The following NGF variants were observed in gnomAD, a reference collection of about 807,000 sequenced individuals.
NGF encodes beta-nerve growth factor.
A neutral mutation model predicts 12.8 loss-of-function variants in NGF; 4 were observed. The observed-to-expected ratio is 0.31, with a 90% confidence interval of 0.15 to 0.72. The LOEUF (loss-of-function observed/expected upper bound fraction) is 0.72. Among genes scored for constraint, NGF ranks in the 30% least tolerant of loss-of-function variants. The pLI, the probability that NGF is intolerant of heterozygous loss-of-function variation, is 0.69. For missense variants in NGF, 283 were observed against 330.8 expected, an observed-to-expected ratio of 0.86 and a Z score of 1.12; for synonymous variants, 140 against 130.0, an observed-to-expected ratio of 1.08 and a Z score of -0.52.
intron 2 of NGF, among the ~76,000 whole-genome samples, chr1:115,289,500 C>T (rs935993830): frequency 5.3e-5 from 8 of 152,110 alleles, no homozygotes; most frequent in African/African-American, 1.9e-4. Context: ...CAATTGACTC[C>T]CATACCTGGA....
intron 1 of NGF, among the ~76,000 whole-genome samples, chr1:115,331,911 GCC>G (rs1204956529): frequency 2.6e-5 from 4 of 152,202 alleles, no homozygotes; most frequent in Non-Finnish European, 4.4e-5. Flanking sequence ...CTATCCAGTA[GCC>G]TCATACATGG....
chr1:115,325,905 G>A (rs1197574274), intron 1 of NGF, among the ~76,000 whole-genome samples: 1 of 152,166 alleles, frequency 6.6e-6, no homozygotes, highest in African/African-American at 2.4e-5. Context: ...ATTATCTAAA[G>A]TAGAGAAGAC....
intron 1 of NGF, among the ~76,000 whole-genome samples, chr1:115,309,128 C>T (rs889471593): frequency 5.3e-5 from 8 of 152,052 alleles, no homozygotes; most frequent in Non-Finnish European, 8.8e-5. Flanking sequence ...ATAAGGTAGC[C>T]TTTGAGCCAT....
intron 1 of NGF, among the ~76,000 whole-genome samples, chr1:115,328,467 C>A (rs1047545853): frequency 1.3e-5 from 2 of 152,234 alleles, no homozygotes; most frequent in South Asian, 4.1e-4. Flanking sequence ...GGTGTCAGCT[C>A]CAGCATTCAC....
At chr1:115,329,744 CTTTTTTT>C (rs1039991768) in intron 1 of NGF, among the ~76,000 whole-genome samples, 1 of 103,996 alleles carries the variant, frequency 9.6e-6, no homozygotes, top group Non-Finnish European at 1.9e-5. Flanking sequence ...TTCTTTCTTT[CTTTTTTT>C]TTTTTTTTTT....
Position 115,305,923 on chromosome 1 carries a change from G to GT in NGF, c.-136-12174dup, listed in dbSNP as rs1016509733. 3.7e-4 allele frequency among the ~76,000 whole-genome samples: 56 copies of GT among 152,256 alleles called. 1 individual carries two copies. Among genetic ancestry groups the GT allele is most frequent in the African/African-American group, 1.3e-3 (54 of 41,534 alleles). ...TGAGGATGTGATTCTCTGTTGATTG[G>GT]TTTTTTGGGTGTGAATACCAAGCCA... On this transcript the variant is annotated intron_variant, in intron 1 of 2. Coordinates refer to ENST00000369512, the MANE Select transcript of NGF (RefSeq NM_002506.3).
chr1:115,320,197 G>A (rs765230287), intron 1 of NGF, among the ~76,000 whole-genome samples: 19 of 152,184 alleles, frequency 1.2e-4, no homozygotes, highest in Non-Finnish European at 2.2e-4. Context: ...TACAATAGTT[G>A]CTCTTTACCC....
intron 1 of NGF, among the ~76,000 whole-genome samples, chr1:115,320,593 A>G (rs1654594765): frequency 6.6e-6 from 1 of 152,222 alleles, no homozygotes. Flanking sequence ...CCGGGCAGAA[A>G]AAGTGGGATG....
chr1:115,320,501 C>T (rs1300230949), intron 1 of NGF, among the ~76,000 whole-genome samples: 1 of 152,218 alleles, frequency 6.6e-6, no homozygotes, highest in East Asian at 1.9e-4. Flanking sequence ...TAATGAGTGA[C>T]AGTCAATCTG....
intron 2 of NGF, among the ~76,000 whole-genome samples, chr1:115,291,239 A>G (rs1653685745): frequency 6.6e-6 from 1 of 152,214 alleles, no homozygotes; most frequent in Admixed American, 6.5e-5. Flanking sequence ...AAGTTTAAAA[A>G]AAAACTCTCT....
intron 1 of NGF, among the ~76,000 whole-genome samples, chr1:115,296,346 G>A (rs1653870380): frequency 6.6e-6 from 1 of 152,318 alleles, no homozygotes; most frequent in East Asian, 1.9e-4. Flanking sequence ...TTAATCAGTG[G>A]AGCAACCAGA....
At chr1:115,327,553 A>T (rs1199397748) in intron 1 of NGF, among the ~76,000 whole-genome samples, 1 of 152,228 alleles carries the variant, frequency 6.6e-6, no homozygotes, top group Non-Finnish European at 1.5e-5. Context: ...CACAGGTGAA[A>T]GGAAAGGTAA....
chr1:115,337,267 G>GTTTGTTTGTTTTTTTTTTTT lies in NGF; in HGVS notation c.-137+936_-137+937insAAAAAAAAAAAACAAACAAA. On this transcript the variant is annotated intron_variant, in intron 1 of 2. Transcript: ENST00000369512. ...TCGAAATTTTTTTTGTTTTGTTTTT[G>GTTTGTTTGTTTTTTTTTTTT]TTTTTTTTTTTTTTTTTTTTTTTTT... is the stretch of plus-strand genomic sequence containing the variant. Among the ~76,000 whole-genome samples the GTTTGTTTGTTTTTTTTTTTT allele has an allele frequency of 5.7e-4, 46 of 81,030 alleles. 2 individuals are homozygous for GTTTGTTTGTTTTTTTTTTTT. The highest frequency in any genetic ancestry group is 1.9e-3 in the African/African-American group (35 of 18,894). The allele number at this position is 81,030 out of a possible 152,430, so 53.2% of individuals were successfully genotyped here.
At chr1:115,315,243 A>G (rs1654445785) in intron 1 of NGF, among the ~76,000 whole-genome samples, 2 of 152,212 alleles carry the variant, frequency 1.3e-5, no homozygotes. Context: ...ATGACTGGAT[A>G]TATTTTAAGA....
intron 1 of NGF, among the ~76,000 whole-genome samples, chr1:115,329,878 T>C (rs889400658): frequency 6.6e-6 from 1 of 151,862 alleles, no homozygotes; most frequent in Non-Finnish European, 1.5e-5. Context: ...ATCTGCTTAG[T>C]AGCTAGGACT....
chr1:115,336,056 G>A (rs1655101521), intron 1 of NGF, among the ~76,000 whole-genome samples: 1 of 152,218 alleles, frequency 6.6e-6, no homozygotes, highest in African/African-American at 2.4e-5. Flanking sequence ...AAGAGAATGA[G>A]AGTGTGAAGC....
At chr1:115,317,684 G>A (rs1156515356) in intron 1 of NGF, among the ~76,000 whole-genome samples, 2 of 152,080 alleles carry the variant, frequency 1.3e-5, no homozygotes, top group South Asian at 2.1e-4. Flanking sequence ...AAGAAGTTGC[G>A]GCCAAGCTAC....
At chr1:115,300,089 A>G (rs1381335650) in intron 1 of NGF, among the ~76,000 whole-genome samples, 1 of 152,230 alleles carries the variant, frequency 6.6e-6, no homozygotes, top group East Asian at 1.9e-4. Flanking sequence ...TATTTGCTTT[A>G]TAGGATTGAA....
At chr1:115,313,687 T>A (rs1654397357) in intron 1 of NGF, among the ~76,000 whole-genome samples, 1 of 152,200 alleles carries the variant, frequency 6.6e-6, no homozygotes, top group African/African-American at 2.4e-5. Context: ...GGCAAAGCAG[T>A]TTAAAAATAA....
Sources: allele counts gnomAD v4.1 joint callset (sites outside exome capture counted in the v4.1 genomes callset), GRCh38; gene constraint gnomAD v4.1.1; transcripts MANE v1.5; gene names NCBI Gene and HGNC (gene_info 2026-07-23, HGNC 2026-07-21).